The following NEGR1 variants were observed in gnomAD, a reference collection of about 807,000 sequenced individuals.
NEGR1 encodes IgLON family member 4.
In NEGR1, 10 loss-of-function variants were observed where a neutral mutation model predicts 40.9. The ratio of observed to expected loss-of-function variants is 0.24; its 90% CI spans 0.15 to 0.42. NEGR1 has a LOEUF of 0.42. Ranked by LOEUF, NEGR1 falls within the 10% of genes least tolerant of loss-of-function variation. The pLI, the probability that NEGR1 is intolerant of heterozygous loss-of-function variation, is 1.00. For synonymous variants in NEGR1, 185 were observed against 166.8 expected (o/e 1.11, Z -0.84); for missense variants, 352 against 438.9 (o/e 0.80, Z 1.77).
Position 72,030,317 on chromosome 1 carries a change from G to A in NEGR1, c.177-95006C>T, listed in dbSNP as rs183452814. On this transcript the variant is annotated intron_variant, in intron 1 of 6. Transcript: ENST00000357731. Reference sequence around the variant, plus strand: ...TCCCTCCAGGGTTTAAATGATTCTCGTGCCTCAGCCTCTGGAGTAGCTGGG... The same window carrying A: ...TCCCTCCAGGGTTTAAATGATTCTCATGCCTCAGCCTCTGGAGTAGCTGGG... Among the ~76,000 whole-genome samples the A allele has an allele frequency of 6.3e-3, 960 of 151,606 alleles. 15 individuals carry two copies. The highest frequency in any genetic ancestry group is 0.022 in the African/African-American group (915 of 41,314).
chr1:72,267,960 C>A lies in NEGR1; in HGVS notation c.176+14359G>T, dbSNP rs967095571. On this transcript the variant is annotated intron_variant, in intron 1 of 6. Coordinates refer to ENST00000357731, the MANE Select transcript of NEGR1 (RefSeq NM_173808.3). ...ATGTATAAAAGTATTACAGAGAAAA[C>A]AGTATGAAAGAAAAGCATCCCAGAT... Among the ~76,000 whole-genome samples the A allele has an allele frequency of 2.0e-5, 3 of 150,652 alleles. No homozygotes were observed. In the Admixed American group the frequency reaches 2.0e-4, roughly 10 times the overall value.
chr1:71,424,611 A>G (rs1396831866), intron 6 of NEGR1, among the ~76,000 whole-genome samples: 3 of 152,242 alleles, frequency 2.0e-5, no homozygotes, highest in Admixed American at 1.3e-4. Flanking sequence ...GTCTTGTAAA[A>G]GCAGGCAGTT....
intron 2 of NEGR1, among the ~76,000 whole-genome samples, chr1:71,882,904 A>AC (rs910689845): frequency 6.6e-6 from 1 of 152,062 alleles, no homozygotes; most frequent in African/African-American, 2.4e-5. Context: ...CATGTTACCT[A>AC]CTTTGAAGGT....
At chr1:72,248,107 G>A (rs911056438) in intron 1 of NEGR1, among the ~76,000 whole-genome samples, 3 of 152,082 alleles carry the variant, frequency 2.0e-5, no homozygotes, top group Non-Finnish European at 4.4e-5. Context: ...CCGCCTGCAT[G>A]ACCCAAACAC....
At chr1:71,805,865 C>A (rs975166389) in intron 2 of NEGR1, among the ~76,000 whole-genome samples, 2 of 152,124 alleles carry the variant, frequency 1.3e-5, no homozygotes, top group African/African-American at 4.8e-5. Flanking sequence ...ATGACTATGG[C>A]AAATTTGCTT....
At chr1:71,542,089 G>A (rs1213718686) in intron 6 of NEGR1, among the ~76,000 whole-genome samples, 1 of 151,654 alleles carries the variant, frequency 6.6e-6, no homozygotes, top group African/African-American at 2.4e-5. Context: ...AAATATGGTA[G>A]GAAATATGAA....
intron 1 of NEGR1, among the ~76,000 whole-genome samples, chr1:72,037,780 T>G (rs902404601): frequency 3.9e-5 from 6 of 152,130 alleles, no homozygotes; most frequent in African/African-American, 1.4e-4. Flanking sequence ...TATTTAATAT[T>G]ATGCAACATG....
At chr1:71,948,494 T>TGA (rs1454221302) in intron 1 of NEGR1, among the ~76,000 whole-genome samples, 28 of 145,110 alleles carry the variant, frequency 1.9e-4, no homozygotes, top group African/African-American at 2.3e-4. Context: ...TGTGTGTGTG[T>TGA]GTGAGAGAGA....
chr1:72,237,058 A>G (rs1262402768), intron 1 of NEGR1, among the ~76,000 whole-genome samples: 1 of 151,988 alleles, frequency 6.6e-6, no homozygotes, highest in Non-Finnish European at 1.5e-5. Context: ...TTATTATTTA[A>G]CATATTATCT....
At chr1:72,057,308 T>A (rs1258634747) in intron 1 of NEGR1, among the ~76,000 whole-genome samples, 2 of 150,382 alleles carry the variant, frequency 1.3e-5, no homozygotes, top group Admixed American at 1.3e-4. Context: ...CCAAACTTAA[T>A]TTTTTTTTGC....
chr1:71,611,357 T>C (rs1218353135), intron 4 of NEGR1, among the ~76,000 whole-genome samples: 1 of 152,190 alleles, frequency 6.6e-6, no homozygotes. Flanking sequence ...ATGAATGTTT[T>C]CAGGGAGTGC....
chr1:71,698,482 T>C (rs1454632032), intron 3 of NEGR1, among the ~76,000 whole-genome samples: 2 of 151,874 alleles, frequency 1.3e-5, no homozygotes, highest in African/African-American at 4.8e-5. Context: ...TTCACTAATA[T>C]GACTTGGTAC....
intron 1 of NEGR1, among the ~76,000 whole-genome samples, chr1:71,955,931 T>C (rs1305328088): frequency 6.6e-6 from 1 of 152,198 alleles, no homozygotes; most frequent in Non-Finnish European, 1.5e-5. Context: ...GTTCACACAT[T>C]GTCTATATAA....
In NEGR1 at chr1:72,257,321, CAAAAAAAAAA is replaced by C. The variant is rs34220734; in HGVS notation, c.176+24988_176+24997del. On this transcript the variant is annotated intron_variant, in intron 1 of 6. Coordinates refer to ENST00000357731, the MANE Select transcript of NEGR1 (RefSeq NM_173808.3). ...TGGGCGACAGAGCGAGACTCTGTCT[CAAAAAAAAAA>C]AAAAAAAAAAAAAGAATAGCACATA... 7.0e-5 allele frequency among the ~76,000 whole-genome samples: 4 copies of C among 57,130 alleles called. No homozygotes were observed. In the East Asian group the frequency reaches 2.0e-3, roughly 29 times the overall value. 37.5% of individuals were successfully genotyped at this position (57,130 alleles called of 152,430 possible).
rs3980477 is a variant in NEGR1 at position 71,522,730 on chromosome 1, T to TACACACACAC, written c.940+70077_940+70086dup. Among the ~76,000 whole-genome samples the TACACACACAC allele has an allele frequency of 1.5e-3, 211 of 144,290 alleles. 1 individual carries two copies. Among genetic ancestry groups the TACACACACAC allele is most frequent in the Non-Finnish European group, 2.3e-3 (154 of 65,978 alleles). 94.7% of individuals were successfully genotyped at this position (144,290 alleles called of 152,430 possible). A position where few individuals can be genotyped will look rare whatever the true frequency, so the allele number is the denominator to read the frequency against. On this transcript the variant is annotated intron_variant, in intron 6 of 6. Transcript: ENST00000357731. ...ATTTTCCTCCCCTCTACCCCCCCCT[T>TACACACACAC]ACACACACACACACACACACACACA...
At chr1:71,704,315 A>G (rs926727092) in intron 3 of NEGR1, among the ~76,000 whole-genome samples, 9 of 151,998 alleles carry the variant, frequency 5.9e-5, no homozygotes, top group African/African-American at 2.2e-4. Flanking sequence ...AATTATTAAA[A>G]TTGAAGATGA....
At chr1:71,801,666 G>A (rs1262650543) in intron 2 of NEGR1, among the ~76,000 whole-genome samples, 1 of 152,082 alleles carries the variant, frequency 6.6e-6, no homozygotes, top group East Asian at 1.9e-4. Context: ...TAACTTTAGA[G>A]CCTCCTAACT....
chr1:71,566,814 G>A (rs1648634821), intron 6 of NEGR1, among the ~76,000 whole-genome samples: 1 of 152,140 alleles, frequency 6.6e-6, no homozygotes, highest in Non-Finnish European at 1.5e-5. Context: ...TCATAGTTCT[G>A]AAGGCTGGGA....
At chr1:71,495,640 C>T (rs1569946338) in intron 6 of NEGR1, among the ~76,000 whole-genome samples, 3 of 152,186 alleles carry the variant, frequency 2.0e-5, no homozygotes, top group Admixed American at 2.0e-4. Context: ...ACATATTAAG[C>T]TGACATTACG....
Sources: allele counts gnomAD v4.1 joint callset (sites outside exome capture counted in the v4.1 genomes callset), GRCh38; gene constraint gnomAD v4.1.1; transcripts MANE v1.5; gene names NCBI Gene and HGNC (gene_info 2026-07-23, HGNC 2026-07-21).